LRFN2: variants seen among roughly 807,000 people sequenced by gnomAD.
The protein encoded by LRFN2 is leucine rich repeat and fibronectin type III domain containing 2, also known as leucine-rich repeat and fibronectin type-III domain-containing protein 2.
Under a neutral mutation model 37.3 loss-of-function variants are expected in LRFN2, and 18 were observed. The ratio of observed to expected loss-of-function variants is 0.48; its 90% CI spans 0.33 to 0.72. LRFN2 has a LOEUF of 0.72. LRFN2 is among the 30% of genes least tolerant of loss of function. LRFN2 has a pLI of 0.02. For missense variants in LRFN2, 1,006 were observed against 1,060.7 expected (o/e 0.95, Z 0.72); for synonymous variants, 556 against 466.6 (o/e 1.19, Z -2.47).
chr6:40,579,366 TGGGACGA>T (rs918206490), intron 1 of LRFN2, among the ~76,000 whole-genome samples: 1 of 152,130 alleles, frequency 6.6e-6, no homozygotes. Context: ...GTCTCTAAAT[TGGGACGA>T]TGACCCCAAA....
At chr6:40,425,192 G>A (rs918014937) in intron 2 of LRFN2, among the ~76,000 whole-genome samples, 3 of 152,166 alleles carry the variant, frequency 2.0e-5, no homozygotes, top group Non-Finnish European at 1.5e-5. Flanking sequence ...GATAGGGCGC[G>A]ACAGGGGCTG....
chr6:40,556,832 C>G (rs1055989152), intron 1 of LRFN2, among the ~76,000 whole-genome samples: 58 of 152,100 alleles, frequency 3.8e-4, no homozygotes, highest in African/African-American at 1.3e-3. Flanking sequence ...CTGAGTGACC[C>G]CAAGTTTGAC....
intron 1 of LRFN2, among the ~76,000 whole-genome samples, chr6:40,436,810 C>T (rs1212185671): frequency 6.6e-6 from 1 of 152,146 alleles, no homozygotes; most frequent in Admixed American, 6.5e-5. Context: ...TGCATTGAGT[C>T]TTGAGTTTTC....
At chr6:40,533,113 A>G (rs2113910496) in intron 1 of LRFN2, among the ~76,000 whole-genome samples, 1 of 151,772 alleles carries the variant, frequency 6.6e-6, no homozygotes, top group Admixed American at 6.6e-5. Flanking sequence ...TGAGTATTTT[A>G]TTTTGTTTTG....
Position 40,392,076 on chromosome 6 carries a change from C to A in LRFN2, c.2237G>T (p.Arg746Leu), listed in dbSNP as rs148074361. 6.2e-7 allele frequency: 1 copy of A among 1,613,954 alleles called. No individual in the cohort carries two copies. The highest frequency in any genetic ancestry group is 1.3e-5 in the African/African-American group (1 of 74,922). ...GVVPGGYSPP[R>L]KVSNIWTKRS... is the part of the protein sequence containing the mutation. Reference sequence around the variant, plus strand: ...CTTCGTCCAGATGTTCGAGACCTTCCGAGGAGGACTGTAGCCGCCCGGCAC... The same window carrying A: ...CTTCGTCCAGATGTTCGAGACCTTCAGAGGAGGACTGTAGCCGCCCGGCAC... The change falls in exon 3 of 3, where the codon CGG (arginine) becomes CTG (leucine). Residue 746 changes from arginine (R) to leucine (L), a missense_variant. Arg to Leu is a moderately radical substitution (Grantham distance 102). Around this residue, in one of 4 missense-constraint regions of LRFN2, gnomAD observed 398 missense variants for 327.6 expected, o/e 1.21. Transcript: ENST00000338305. The surrounding 1 kb of genome is among the most constrained non-coding windows in gnomAD (Gnocchi z 4.7).
chr6:40,467,904 A>T (rs114609916), intron 1 of LRFN2, among the ~76,000 whole-genome samples: 4 of 152,190 alleles, frequency 2.6e-5, no homozygotes, highest in African/African-American at 7.2e-5. Flanking sequence ...TCCTAGTATG[A>T]TGGAAGAGAC....
chr6:40,449,000 G>A (rs940302507), intron 1 of LRFN2, among the ~76,000 whole-genome samples: 1 of 152,148 alleles, frequency 6.6e-6, no homozygotes, highest in South Asian at 2.1e-4. Flanking sequence ...TCCTTGACAC[G>A]CAGCATTGTG....
intron 2 of LRFN2, among the ~76,000 whole-genome samples, chr6:40,398,970 G>C (rs1270531827): frequency 6.6e-6 from 1 of 151,894 alleles, no homozygotes; most frequent in South Asian, 2.1e-4. Flanking sequence ...GCCTCTGCCT[G>C]TGGGGAACTA....
chr6:40,434,792 C>A (rs1763605021), intron 1 of LRFN2, among the ~76,000 whole-genome samples: 5 of 151,632 alleles, frequency 3.3e-5, no homozygotes, highest in Admixed American at 2.0e-4. Context: ...AAATTGCCTG[C>A]TAAACATACT....
intron 1 of LRFN2, among the ~76,000 whole-genome samples, chr6:40,493,906 T>C (rs2113871511): frequency 6.6e-6 from 1 of 152,320 alleles, no homozygotes; most frequent in East Asian, 1.9e-4. Flanking sequence ...AATCACTAGG[T>C]ATGTCTATTG....
chr6:40,428,857 T>C (rs7759806), intron 2 of LRFN2, among the ~76,000 whole-genome samples: 120 of 152,332 alleles, frequency 7.9e-4, no homozygotes, highest in African/African-American at 2.7e-3. Flanking sequence ...AAATTTGTCT[T>C]CTTAAAGAGA....
chr6:40,411,740 G>T (rs559453844), intron 2 of LRFN2, among the ~76,000 whole-genome samples: 3 of 151,648 alleles, frequency 2.0e-5, no homozygotes, highest in African/African-American at 7.3e-5. Flanking sequence ...TTCTCGGTGA[G>T]GCCTGCCCTG....
chr6:40,431,771 C>T lies in LRFN2; in HGVS notation c.1343G>A (p.Arg448Gln), dbSNP rs146724906. ...VKWSVSKSAPRVKMYQLQYNC... is the reference protein window; with the variant it reads ...VKWSVSKSAPQVKMYQLQYNC... ...GTACTGCAGCTGGTACATCTTCACCCGGGGTGCTGACTTGCTGACAGACCA... is the reference window on the plus strand; with the variant it reads ...GTACTGCAGCTGGTACATCTTCACCTGGGGTGCTGACTTGCTGACAGACCA... Residue 448 changes from arginine (R) to glutamine (Q), a missense_variant, in exon 2 of 3, where the codon CGG (arginine) becomes CAG (glutamine). This residue lies in a region of LRFN2 where 120 missense variants were observed against 178.4 expected (regional missense o/e 0.67). Transcript: ENST00000338305. 3.8e-5 allele frequency: 58 copies of T among 1,528,216 alleles called. No homozygotes were observed. The highest frequency in any genetic ancestry group is 2.1e-5 in the Admixed American group (1 of 47,448). The allele number at this position is 1,528,216 out of a possible 1,614,324, so 94.7% of individuals were successfully genotyped here.
intron 1 of LRFN2, among the ~76,000 whole-genome samples, chr6:40,471,696 C>T (rs941963126): frequency 2.0e-5 from 3 of 152,198 alleles, no homozygotes; most frequent in African/African-American, 7.2e-5. Context: ...CCTGTTCATT[C>T]TGATTGCACA....
intron 1 of LRFN2, among the ~76,000 whole-genome samples, chr6:40,560,486 G>C (rs1386792959): frequency 6.6e-6 from 1 of 152,158 alleles, no homozygotes; most frequent in Non-Finnish European, 1.5e-5. Context: ...CCATTCAGGA[G>C]GCTCTGTAGT....
Position 40,391,689 on chromosome 6 carries a change from A to G in LRFN2, c.*254T>C, listed in dbSNP as rs770557452. On this transcript the variant is annotated 3_prime_UTR_variant, in exon 3 of 3. Transcript: ENST00000338305. ...GCTACATTTGTGATTAGAAAGGCGG[A>G]GTCTCGCCTTTCCAAACACTCAGGG... The G allele has an allele frequency of 3.9e-5, 15 of 385,460 alleles. No individual in the cohort carries two copies. The highest frequency in any genetic ancestry group is 5.0e-5 in the Non-Finnish European group (11 of 217,876). The allele number at this position is 385,460 out of a possible 1,614,324, so 23.9% of individuals were successfully genotyped here.
intron 2 of LRFN2, among the ~76,000 whole-genome samples, chr6:40,431,105 T>C (rs78139634): frequency 6.7e-6 from 1 of 148,688 alleles, no homozygotes; most frequent in Non-Finnish European, 1.5e-5. Flanking sequence ...TCTCTCTCTC[T>C]TTTTTTTTTA....
chr6:40,471,164 C>A (rs1764587484), intron 1 of LRFN2, among the ~76,000 whole-genome samples: 2 of 152,226 alleles, frequency 1.3e-5, no homozygotes, highest in South Asian at 4.1e-4. Flanking sequence ...GGCTGATGTG[C>A]AGATATCTGA....
intron 1 of LRFN2, among the ~76,000 whole-genome samples, chr6:40,553,956 C>T (rs545130278): frequency 6.6e-6 from 1 of 152,214 alleles, no homozygotes; most frequent in South Asian, 2.1e-4. Context: ...ACTCAAGGAC[C>T]CAGAGAGGCC....
Sources: allele counts gnomAD v4.1 joint callset (sites outside exome capture counted in the v4.1 genomes callset), GRCh38; gene constraint gnomAD v4.1.1; regional missense constraint gnomAD v4.1.1; non-coding constraint Gnocchi (gnomAD v3.1); transcripts MANE v1.5; gene names NCBI Gene and HGNC (gene_info 2026-07-23, HGNC 2026-07-21).